ITGA2: variants seen among roughly 807,000 people sequenced by gnomAD.
ITGA2 encodes the protein integrin alpha-2.
ITGA2 carries 101 observed loss-of-function variants against 146.3 expected under a neutral mutation model. That is an observed-to-expected ratio of 0.69 (90% CI 0.59 to 0.81). The LOEUF (loss-of-function observed/expected upper bound fraction) is 0.81, where lower values mean the gene tolerates loss of function less well. Ranked by LOEUF, ITGA2 falls within the 40% of genes least tolerant of loss-of-function variation. ITGA2 has a pLI of 0.00. For missense variants in ITGA2, 1,281 were observed against 1,402.7 expected (o/e 0.91, Z 1.39); for synonymous variants, 477 against 487.1 (o/e 0.98, Z 0.27).
intron 1 of ITGA2, among the ~76,000 whole-genome samples, chr5:53,017,885 G>A (rs1249421445): frequency 6.6e-6 from 1 of 152,160 alleles, no homozygotes; most frequent in Non-Finnish European, 1.5e-5. Context: ...AGCGCATGCT[G>A]GCAAAATGCT....
Position 53,059,876 on chromosome 5 carries a change from T to C in ITGA2, c.1176T>C (p.Asp392=), listed in dbSNP as rs144998443. ...GFSADYSSQN[D]ILMLGAVGAF... is the part of the protein sequence containing the mutation. ...TCTTCATTTTTCAATTATTTTAGGA[T>C]ATTCTGATGCTGGGTGCAGTGGGAG... The change falls in exon 11 of 30, where the codon GAT becomes GAC. Residue 392 remains aspartate, a splice_region_variant and synonymous_variant. Transcript: ENST00000296585. The C allele has an allele frequency of 2.4e-5, 39 of 1,611,832 alleles. No homozygotes were observed. Among genetic ancestry groups the C allele is most frequent in the Non-Finnish European group, 3.3e-5 (39 of 1,178,710 alleles).
intron 1 of ITGA2, among the ~76,000 whole-genome samples, chr5:53,014,718 C>T (rs1382838143): frequency 2.6e-5 from 4 of 152,090 alleles, no homozygotes; most frequent in Non-Finnish European, 5.9e-5. Context: ...GCTATGAATT[C>T]GTCTGGTCCT....
At chr5:53,056,770 C>T (rs551948683) in intron 9 of ITGA2, among the ~76,000 whole-genome samples, 16 of 151,516 alleles carry the variant, frequency 1.1e-4, no homozygotes, top group Non-Finnish European at 1.6e-4. Flanking sequence ...AGAAAGATCA[C>T]GTGTTCAGGA....
intron 1 of ITGA2, among the ~76,000 whole-genome samples, chr5:53,015,904 A>G (rs995174874): frequency 1.3e-5 from 2 of 151,508 alleles, no homozygotes; most frequent in Non-Finnish European, 2.9e-5. Context: ...TTAGAATAGC[A>G]GCCTCTGCTT....
Position 53,092,312 on chromosome 5 carries a change from A to G in ITGA2, c.*1713A>G, listed in dbSNP as rs930547252. 3.3e-5 allele frequency: 5 copies of G among 152,156 alleles called. No homozygotes were observed. Among genetic ancestry groups the G allele is most frequent in the African/African-American group, 1.2e-4 (5 of 41,432 alleles). The allele number at this position is 152,156 out of a possible 1,614,324, so 9.4% of individuals were successfully genotyped here. A position where few individuals can be genotyped will look rare whatever the true frequency, so the allele number is the denominator to read the frequency against. On this transcript the variant is annotated 3_prime_UTR_variant, in exon 30 of 30. Transcript: ENST00000296585. ...TTAGTTTTAAAAGTCTATGATCTGG[A>G]CTTCCTATAATACAAATACACAATC...
chr5:52,992,474 T>G (rs948623224), intron 1 of ITGA2, among the ~76,000 whole-genome samples: 1 of 152,168 alleles, frequency 6.6e-6, no homozygotes, highest in Non-Finnish European at 1.5e-5. Context: ...ATTTAATACG[T>G]GTCCTCCAGA....
chr5:52,998,638 A>G (rs559500640), intron 1 of ITGA2, among the ~76,000 whole-genome samples: 1 of 152,202 alleles, frequency 6.6e-6, no homozygotes, highest in South Asian at 2.1e-4. Context: ...TTCTAATTCA[A>G]TTTAGGTATC....
intron 1 of ITGA2, among the ~76,000 whole-genome samples, chr5:53,024,996 G>T (rs989938822): frequency 2.6e-5 from 4 of 152,126 alleles, no homozygotes; most frequent in African/African-American, 9.7e-5. Context: ...ATGATAAAAT[G>T]AACTCCATCA....
At chr5:53,089,829 T>C (rs1740326009) in intron 28 of ITGA2, 117 bp from the exon 29 acceptor site, 1 of 762,032 alleles carries the variant, frequency 1.3e-6, no homozygotes, top group Admixed American at 1.8e-5. Context: ...CATGAGCAAG[T>C]CTTGTCACCT....
intron 1 of ITGA2, among the ~76,000 whole-genome samples, chr5:52,995,644 G>T (rs1269320024): frequency 6.6e-6 from 1 of 152,186 alleles, no homozygotes; most frequent in Admixed American, 6.5e-5. Flanking sequence ...AACAGATTGA[G>T]TTTGAGACAT....
intron 3 of ITGA2, among the ~76,000 whole-genome samples, chr5:53,042,484 T>G (rs1239545040): frequency 2.0e-5 from 3 of 152,152 alleles, no homozygotes; most frequent in African/African-American, 4.8e-5. Flanking sequence ...TTAGAATAAT[T>G]TTGATGATTA....
At chr5:53,080,166 T>C (rs1232435800) in intron 24 of ITGA2, among the ~76,000 whole-genome samples, 2 of 151,688 alleles carry the variant, frequency 1.3e-5, no homozygotes, top group Non-Finnish European at 2.9e-5. Flanking sequence ...CACAAATTAC[T>C]TACCCATTAA....
Position 53,071,914 on chromosome 5 carries a change from ATGTT to A in ITGA2, c.2236-20_2236-17del. On this transcript the variant is annotated intron_variant, in intron 17 of 29. Coordinates refer to ENST00000296585, the MANE Select transcript of ITGA2 (RefSeq NM_002203.4). Reference sequence around the variant, plus strand: ...ATAAACTGACTCTGTCTCCCCCTGTATGTTTGTGTGTGTGTATGTTTAGGAGCCC... The same window carrying A: ...ATAAACTGACTCTGTCTCCCCCTGTATGTGTGTGTGTATGTTTAGGAGCCC... 1.3e-6 allele frequency: 2 copies of A among 1,521,184 alleles called. No homozygotes were observed. The allele number at this position is 1,521,184 out of a possible 1,614,324, so 94.2% of individuals were successfully genotyped here.
In ITGA2 at chr5:53,048,862, A is replaced by G; in HGVS notation, c.630+92A>G. 4 of 1,394,498 alleles carry G rather than the reference A, an allele frequency of 2.9e-6. No homozygotes were observed. In the South Asian group the frequency reaches 4.9e-5, roughly 17 times the overall value. The allele number at this position is 1,394,498 out of a possible 1,614,324, so 86.4% of individuals were successfully genotyped here. ...AAGTCTTAATTTTTGTATTTGCCAA[A>G]TCCCCATTTTAAATGCATTTGATGG... is the stretch of plus-strand genomic sequence containing the variant. On this transcript the variant is annotated intron_variant, in intron 6 of 29. Coordinates refer to ENST00000296585, the MANE Select transcript of ITGA2 (RefSeq NM_002203.4).
At chr5:52,997,977 G>A (rs751797543) in intron 1 of ITGA2, among the ~76,000 whole-genome samples, 1 of 152,002 alleles carries the variant, frequency 6.6e-6, no homozygotes, top group South Asian at 2.1e-4. Flanking sequence ...TTAATAAATA[G>A]CCCTAATGAG....
chr5:52,989,474 G>T lies in ITGA2; in HGVS notation c.6G>T (p.Gly2=). The change falls in exon 1 of 30, where the codon GGG becomes GGT. Residue 2 remains glycine, a synonymous_variant. Transcript: ENST00000296585. M[G]PERTGAAPLP... ...GTCCCCCGGTCAGACCCAGGATGGG[G>T]CCAGAACGGACAGGGGCCGCGCCGC... The T allele has an allele frequency of 6.2e-7, 1 of 1,614,194 alleles. No homozygotes were observed. The highest frequency in any genetic ancestry group is 8.5e-7 in the Non-Finnish European group (1 of 1,180,012).
At chr5:53,065,752 A>G (rs752451790) in intron 14 of ITGA2, 89 bp from the exon 15 acceptor site, 1 of 1,524,818 alleles carries the variant, frequency 6.6e-7, no homozygotes, top group African/African-American at 1.4e-5. Flanking sequence ...ACATTACTAT[A>G]TAGAAAATAT....
intron 1 of ITGA2, among the ~76,000 whole-genome samples, chr5:53,024,438 A>G (rs1309390094): frequency 6.6e-6 from 1 of 152,234 alleles, no homozygotes; most frequent in Non-Finnish European, 1.5e-5. Context: ...AGTAATTAAA[A>G]TGCATTTTAT....
At chr5:53,053,715 A>ACT (rs1176330065) in intron 7 of ITGA2, among the ~76,000 whole-genome samples, 1 of 152,032 alleles carries the variant, frequency 6.6e-6, no homozygotes, top group African/African-American at 2.4e-5. Context: ...GTGCTAGGAG[A>ACT]ATCACCCAAC....
Sources: gnomAD v4.1 joint callset for allele counts (sites outside exome capture counted in the v4.1 genomes callset) on GRCh38, gnomAD v4.1.1 for gene constraint, MANE v1.5 for transcripts, NCBI Gene and HGNC (gene_info 2026-07-23, HGNC 2026-07-21) for gene names.